FBRSL1: variants seen among roughly 807,000 people sequenced by gnomAD.
The protein encoded by FBRSL1 is fibrosin-1-like protein.
FBRSL1 carries 51 observed loss-of-function variants against 89.6 expected under a neutral mutation model. The observed-to-expected ratio is 0.57, with a 90% CI of 0.45 to 0.72. FBRSL1 has a LOEUF of 0.72. Among genes scored for constraint, FBRSL1 ranks in the 30% least tolerant of loss-of-function variants. The pLI is 0.00. For synonymous variants in FBRSL1, 779 were observed against 681.1 expected, an observed-to-expected ratio of 1.14 and a Z score of -2.24; for missense variants, 1,618 against 1,451.8, an observed-to-expected ratio of 1.11 and a Z score of -1.86.
Position 132,583,309 on chromosome 12 carries a change from C to G in FBRSL1, c.2540C>G (p.Ala847Gly). 1 of 1,194,474 alleles carries G rather than the reference C, an allele frequency of 8.4e-7. No individual in the cohort carries two copies. Among genetic ancestry groups the G allele is most frequent in the Middle Eastern group, 3.5e-4 (1 of 2,848 alleles). The allele number at this position is 1,194,474 out of a possible 1,614,324, so 74.0% of individuals were successfully genotyped here. A position where few individuals can be genotyped will look rare whatever the true frequency, so the allele number is the denominator to read the frequency against. ...QLGLGRERLG[A>G]PGFAWEPFRG... is the part of the protein sequence containing the mutation. ...GGCCTGGGCCGCGAGCGCCTGGGCG[C>G]GCCGGGCTTCGCGTGGGAGCCTTTC... is the stretch of plus-strand genomic sequence containing the variant. Residue 847 changes from alanine (A) to glycine (G), a missense_variant, in exon 19 of 19, where the codon GCG (alanine) becomes GGG (glycine). By Grantham distance (60) the Ala-to-Gly change is moderately conservative (BLOSUM62 0). Coordinates refer to ENST00000680143, the MANE Select transcript of FBRSL1 (RefSeq NM_001367871.1).
In FBRSL1 at chr12:132,583,175, GC is replaced by G; in HGVS notation, c.2410del (p.His804ThrfsTer9). ...CCAAGATGCCCGCGCGCGCATCCCC[GC>G]CCCACAGCAAGGCGGCCCCTGGAGA... is the stretch of plus-strand genomic sequence containing the variant. The part of the protein sequence containing the change: ...AAKMPARASP[P>X]HSKAAPGDVK... On this transcript the variant is annotated frameshift_variant, in exon 19 of 19. Coordinates refer to ENST00000680143, the MANE Select transcript of FBRSL1 (RefSeq NM_001367871.1). LOFTEE classifies it high-confidence loss of function. 1 of 1,455,316 alleles carries G rather than the reference GC, an allele frequency of 6.9e-7. No individual in the cohort carries two copies. Among genetic ancestry groups the G allele is most frequent in the East Asian group, 3.1e-5 (1 of 32,008 alleles). The allele number at this position is 1,455,316 out of a possible 1,614,324, so 90.2% of individuals were successfully genotyped here.
rs776507894 is a variant in FBRSL1 at position 132,525,719 on chromosome 12, C to G, written c.490-15C>G. On this transcript the variant is annotated splice_polypyrimidine_tract_variant and intron_variant, in intron 2 of 18. Coordinates refer to ENST00000680143, the MANE Select transcript of FBRSL1 (RefSeq NM_001367871.1). Reference sequence around the variant, plus strand: ...GGTGGGGGTTTGCCTGAGACAGTGTCTCTCTCTGTCCCAGATGAAGGTCAC... The same window carrying G: ...GGTGGGGGTTTGCCTGAGACAGTGTGTCTCTCTGTCCCAGATGAAGGTCAC... The G allele has an allele frequency of 6.5e-7, 1 of 1,537,828 alleles. No homozygotes were observed. Among genetic ancestry groups the G allele is most frequent in the South Asian group, 1.2e-5 (1 of 83,860 alleles).
intron 4 of FBRSL1, among the ~76,000 whole-genome samples, chr12:132,541,848 C>T (rs960223199): frequency 1.3e-5 from 2 of 152,222 alleles, no homozygotes; most frequent in African/African-American, 2.4e-5. Flanking sequence ...GGGCAGGGCA[C>T]GGGGCCCACA....
At chr12:132,537,154 G>T (rs764550973) in intron 4 of FBRSL1, among the ~76,000 whole-genome samples, 26 of 152,208 alleles carry the variant, frequency 1.7e-4, no homozygotes, top group Non-Finnish European at 3.7e-4. Flanking sequence ...GAGGGTTAGG[G>T]ATGGCCGCCC....
intron 4 of FBRSL1, among the ~76,000 whole-genome samples, chr12:132,541,915 C>A (rs1442250951): frequency 6.6e-6 from 1 of 152,248 alleles, no homozygotes; most frequent in East Asian, 1.9e-4. Context: ...CACCCCGAAC[C>A]ATCCGGGTTG....
Position 132,583,830 on chromosome 12 carries a change from C to CCAT in FBRSL1, c.*55_*57dup, listed in dbSNP as rs776317226. The stretch of plus-strand genomic sequence containing the variant: ...GCGGAGCGCACCGCTGTCCGTCTCT[C>CCAT]CATCAGTTCCTAGAACTCAAGCACA... On this transcript the variant is annotated 3_prime_UTR_variant, in exon 19 of 19. Coordinates refer to ENST00000680143, the MANE Select transcript of FBRSL1 (RefSeq NM_001367871.1). 2.9e-3 allele frequency: 3,132 copies of CCAT among 1,064,568 alleles called. 13 individuals carry two copies. The highest frequency in any genetic ancestry group is 3.4e-3 in the Non-Finnish European group (2,880 of 852,060). 65.9% of individuals were successfully genotyped at this position (1,064,568 alleles called of 1,614,324 possible).
intron 5 of FBRSL1, among the ~76,000 whole-genome samples, chr12:132,559,345 G>C (rs1400495439): frequency 6.6e-6 from 1 of 152,236 alleles, no homozygotes; most frequent in African/African-American, 2.4e-5. Context: ...GGTGGGGGAA[G>C]GGCTCCTCCT....
At chr12:132,503,578 C>A (rs1209922715) in intron 1 of FBRSL1, among the ~76,000 whole-genome samples, 1 of 152,214 alleles carries the variant, frequency 6.6e-6, no homozygotes, top group African/African-American at 2.4e-5. Context: ...TAATTAGACC[C>A]AGTCCCCACA....
intron 9 of FBRSL1, 45 bp downstream of exon 9, chr12:132,571,276 C>T (rs778402555): frequency 4.0e-6 from 6 of 1,497,700 alleles, no homozygotes; most frequent in South Asian, 1.3e-5. Flanking sequence ...GCCAACGTGC[C>T]TCTCTGTCTC....
At chr12:132,501,189 G>A (rs2032906518) in intron 1 of FBRSL1, among the ~76,000 whole-genome samples, 2 of 152,208 alleles carry the variant, frequency 1.3e-5, no homozygotes, top group South Asian at 4.1e-4. Context: ...CGGCCTCGTG[G>A]TCCTGTTCAC....
intron 5 of FBRSL1, among the ~76,000 whole-genome samples, chr12:132,548,352 G>C (rs1182225701): frequency 6.6e-6 from 1 of 152,188 alleles, no homozygotes; most frequent in Non-Finnish European, 1.5e-5. Context: ...TCCAGCTCCT[G>C]GGCAGCAGAG....
chr12:132,571,537 G>A (rs775670191), intron 9 of FBRSL1: 62 of 1,469,332 alleles, frequency 4.2e-5, no homozygotes, highest in South Asian at 1.5e-4. Flanking sequence ...GCGTAGGCCC[G>A]CGTGCTGGCA....
intron 2 of FBRSL1, among the ~76,000 whole-genome samples, chr12:132,517,659 T>G (rs985468279): frequency 1.3e-5 from 2 of 151,956 alleles, no homozygotes; most frequent in Admixed American, 1.3e-4. Context: ...GGGTAGAGGG[T>G]GTAGCCACCC....
intron 14 of FBRSL1, among the ~76,000 whole-genome samples, chr12:132,576,148 T>C (rs1268129265): frequency 2.0e-5 from 3 of 150,726 alleles, no homozygotes; most frequent in Admixed American, 2.0e-4. Flanking sequence ...GAGAAACTTT[T>C]CAGCATATTT....
At chr12:132,582,401 T>A in intron 18 of FBRSL1, 135 bp downstream of exon 18, 2 of 587,302 alleles carry the variant, frequency 3.4e-6, no homozygotes, top group Non-Finnish European at 5.7e-6. Flanking sequence ...CCCCTCCCCC[T>A]GTTCCCCTTC....
intron 5 of FBRSL1, among the ~76,000 whole-genome samples, chr12:132,550,203 G>GGGAA: frequency 6.6e-6 from 1 of 152,198 alleles, no homozygotes; most frequent in African/African-American, 2.4e-5. Context: ...GAGGACAGCA[G>GGGAA]GGGAGGGAGA....
intron 5 of FBRSL1, among the ~76,000 whole-genome samples, chr12:132,561,441 G>A: frequency 9.3e-6 from 1 of 107,824 alleles, no homozygotes; most frequent in East Asian, 4.8e-4. Flanking sequence ...GGGGAGGGCA[G>A]CAGAGCCCCA....
At chr12:132,534,586 C>T (rs1211789040) in intron 4 of FBRSL1, among the ~76,000 whole-genome samples, 4 of 152,276 alleles carry the variant, frequency 2.6e-5, no homozygotes, top group African/African-American at 9.6e-5. Context: ...GGCACGCGCT[C>T]TTTTATCTCC....
chr12:132,514,244 G>A (rs1183322450), intron 2 of FBRSL1, among the ~76,000 whole-genome samples: 1 of 152,212 alleles, frequency 6.6e-6, no homozygotes, highest in Non-Finnish European at 1.5e-5. Context: ...GCACCTGGAT[G>A]TTCAGAGGCC....
Sources: gnomAD v4.1 joint callset for allele counts (sites outside exome capture counted in the v4.1 genomes callset) on GRCh38, gnomAD v4.1.1 for gene constraint, MANE v1.5 for transcripts, NCBI Gene and HGNC (gene_info 2026-07-23, HGNC 2026-07-21) for gene names.